PRKN: variants seen among roughly 807,000 people sequenced by gnomAD.
PRKN encodes E3 ubiquitin-protein ligase parkin.
Under a neutral mutation model 59.5 loss-of-function variants are expected in PRKN, and 56 were observed. The ratio of observed to expected loss-of-function variants is 0.94; its 90% CI spans 0.76 to 1.18. The LOEUF (loss-of-function observed/expected upper bound fraction) is 1.18, where lower values mean the gene tolerates loss of function less well. PRKN is among the 50% of genes most tolerant of loss of function. The pLI, the probability that PRKN is intolerant of heterozygous loss-of-function variation, is 0.00. For missense variants in PRKN, 657 were observed against 596.4 expected, an observed-to-expected ratio of 1.10 and a Z score of -1.06; for synonymous variants, 250 against 222.1, an observed-to-expected ratio of 1.13 and a Z score of -1.12.
chr6:161,765,933 A>G (rs1290846225), intron 7 of PRKN, among the ~76,000 whole-genome samples: 1 of 152,206 alleles, frequency 6.6e-6, no homozygotes, highest in Non-Finnish European at 1.5e-5. Context: ...AAATGCTTTG[A>G]ATTGTTTTTG....
rs560336070 is a variant in PRKN at position 161,426,944 on chromosome 6, C to T, written c.1084-40067G>A. On this transcript the variant is annotated intron_variant, in intron 9 of 11. Coordinates refer to ENST00000366898, the MANE Select transcript of PRKN (RefSeq NM_004562.3). ...TCATGTTAGCCAGGATGGTCTCGATCTCCTGACCTTGTGATCTGCCCACCT... is the reference window on the plus strand; with the variant it reads ...TCATGTTAGCCAGGATGGTCTCGATTTCCTGACCTTGTGATCTGCCCACCT... 6.6e-5 allele frequency among the ~76,000 whole-genome samples: 10 copies of T among 152,226 alleles called. No homozygotes were observed. The South Asian group carries it at 1.9e-3, about 28-fold the overall frequency.
chr6:161,679,579 T>TA (rs1170234061), intron 7 of PRKN, among the ~76,000 whole-genome samples: 4 of 135,002 alleles, frequency 3.0e-5, no homozygotes, highest in Non-Finnish European at 6.4e-5. Flanking sequence ...TTTTTTTTTT[T>TA]AAACACCAAC....
intron 1 of PRKN, among the ~76,000 whole-genome samples, chr6:162,560,619 C>T (rs1444379680): frequency 4.6e-5 from 7 of 152,100 alleles, no homozygotes; most frequent in African/African-American, 1.7e-4. Context: ...TCATAACACC[C>T]TTCTGGTGTC....
chr6:162,485,888 G>A (rs1414146402), intron 1 of PRKN, among the ~76,000 whole-genome samples: 1 of 152,142 alleles, frequency 6.6e-6, no homozygotes, highest in Admixed American at 6.6e-5. Flanking sequence ...CTAAAGGCTT[G>A]TTAGAAAATC....
At chr6:161,952,331 T>C (rs139012573) in intron 6 of PRKN, among the ~76,000 whole-genome samples, 79 of 152,106 alleles carry the variant, frequency 5.2e-4, no homozygotes, top group African/African-American at 1.8e-3. Context: ...AAAATTACAA[T>C]AGTCGGCCAG....
Position 161,466,366 on chromosome 6 carries a change from A to G in PRKN, c.1084-79489T>C, listed in dbSNP as rs1204236780. On this transcript the variant is annotated intron_variant, in intron 9 of 11. Coordinates refer to ENST00000366898, the MANE Select transcript of PRKN (RefSeq NM_004562.3). This position sits in a 1 kb window ranked among gnomAD's most constrained non-coding sequence, Gnocchi z 5.0. ...GGTTTTTTTTGATCTCAGCTCTCTGATGGGTTAAAAAATCTCTGAAACTAT... is the reference window on the plus strand; with the variant it reads ...GGTTTTTTTTGATCTCAGCTCTCTGGTGGGTTAAAAAATCTCTGAAACTAT... 6.6e-6 allele frequency among the ~76,000 whole-genome samples: 1 copy of G among 152,150 alleles called. No homozygotes were observed. Among genetic ancestry groups the G allele is most frequent in the Non-Finnish European group, 1.5e-5 (1 of 68,040 alleles).
chr6:162,330,553 T>A (rs1366326302), intron 2 of PRKN, among the ~76,000 whole-genome samples: 1 of 152,232 alleles, frequency 6.6e-6, no homozygotes, highest in Non-Finnish European at 1.5e-5. Flanking sequence ...GCATCCGTTG[T>A]TCCTGCAAGC....
intron 7 of PRKN, among the ~76,000 whole-genome samples, chr6:161,693,745 A>G (rs1785901622): frequency 1.3e-5 from 2 of 152,248 alleles, no homozygotes; most frequent in Non-Finnish European, 2.9e-5. Flanking sequence ...ATTTTTGGAA[A>G]TACTAATATA....
chr6:162,403,349 C>T (rs1032925180), intron 2 of PRKN, among the ~76,000 whole-genome samples: 16 of 152,112 alleles, frequency 1.1e-4, no homozygotes, highest in Admixed American at 1.0e-3. Context: ...ACTCCCTCAC[C>T]CGGGCTGCGT....
At chr6:161,833,288 G>A (rs1035200306) in intron 6 of PRKN, among the ~76,000 whole-genome samples, 5 of 152,254 alleles carry the variant, frequency 3.3e-5, no homozygotes, top group East Asian at 1.9e-4. Context: ...ATGACTTCTC[G>A]TCACTGAAGT....
At chr6:162,653,317 T>C (rs1411986375) in intron 1 of PRKN, among the ~76,000 whole-genome samples, 1 of 47,282 alleles carries the variant, frequency 2.1e-5, no homozygotes, top group Non-Finnish European at 3.8e-5. Flanking sequence ...GGAGTTTGTG[T>C]TTGTGTGTGT....
At chr6:161,625,314 C>T (rs1015200913) in intron 7 of PRKN, among the ~76,000 whole-genome samples, 1 of 138,134 alleles carries the variant, frequency 7.2e-6, no homozygotes, top group African/African-American at 2.7e-5. Flanking sequence ...ATCACAAGGA[C>T]AGAAAACCAA....
At chr6:161,693,968 T>C (rs576099760) in intron 7 of PRKN, among the ~76,000 whole-genome samples, 10 of 152,196 alleles carry the variant, frequency 6.6e-5, no homozygotes, top group Non-Finnish European at 1.5e-4. Context: ...TCCTTGTAAA[T>C]GTCCTTGTAC....
At chr6:162,488,242 T>C (rs542073912) in intron 1 of PRKN, among the ~76,000 whole-genome samples, 379 of 152,266 alleles carry the variant, frequency 2.5e-3, no homozygotes, top group Non-Finnish European at 4.3e-3. Context: ...CTTTGTCTTA[T>C]CAAACCAATG....
chr6:161,380,838 C>T (rs1349810806), intron 10 of PRKN, among the ~76,000 whole-genome samples: 1 of 152,150 alleles, frequency 6.6e-6, no homozygotes, highest in African/African-American at 2.4e-5. Flanking sequence ...CAAAATCACA[C>T]TGGAAGGCCT....
intron 9 of PRKN, among the ~76,000 whole-genome samples, chr6:161,507,842 G>A (rs1445013823): frequency 6.6e-6 from 1 of 151,932 alleles, no homozygotes; most frequent in Non-Finnish European, 1.5e-5. Context: ...ATCACTCCCT[G>A]ACCACCCAAG....
Position 161,475,207 on chromosome 6 carries a change from T to C in PRKN, c.1083+73647A>G, listed in dbSNP as rs1164811573. Among the ~76,000 whole-genome samples, 2 of 152,296 alleles carry C rather than the reference T, an allele frequency of 1.3e-5. No individual in the cohort carries two copies. The highest frequency in any genetic ancestry group is 2.4e-5 in the African/African-American group (1 of 41,576). On this transcript the variant is annotated intron_variant, in intron 9 of 11. Transcript: ENST00000366898. This position sits in a 1 kb window ranked among gnomAD's most constrained non-coding sequence, Gnocchi z 5.3. ...CCTGACCCACTATTACCTATACTTATAGTAGATTGCATGTGATCGCTGCTG... is the reference window on the plus strand; with the variant it reads ...CCTGACCCACTATTACCTATACTTACAGTAGATTGCATGTGATCGCTGCTG...
rs112386206 is a variant in PRKN, at chr6:162,444,490, G to GAAA, written c.8-1020_8-1018dup. Among the ~76,000 whole-genome samples, 862 of 146,306 alleles carry GAAA rather than the reference G, an allele frequency of 5.9e-3. 14 individuals are homozygous for GAAA. Among genetic ancestry groups the GAAA allele is most frequent in the African/African-American group, 0.019 (751 of 40,072 alleles). On this transcript the variant is annotated intron_variant, in intron 1 of 11. Coordinates refer to ENST00000366898, the MANE Select transcript of PRKN (RefSeq NM_004562.3). ...TACTCTTTTAAACTAAATGCTCCCA[G>GAAA]AAAAAAAAAAATCACAAAAAACTGC...
intron 1 of PRKN, among the ~76,000 whole-genome samples, chr6:162,725,339 AT>A: frequency 6.6e-6 from 1 of 152,280 alleles, no homozygotes; most frequent in East Asian, 1.9e-4. Context: ...CTGGCTCTGA[AT>A]TTTTGTCACA....
Sources: gnomAD v4.1 joint callset for allele counts (sites outside exome capture counted in the v4.1 genomes callset) on GRCh38, gnomAD v4.1.1 for gene constraint, Gnocchi (gnomAD v3.1) non-coding constraint, MANE v1.5 for transcripts, NCBI Gene and HGNC (gene_info 2026-07-23, HGNC 2026-07-21) for gene names.